Variants in SPINK7 observed in about 807,000 individuals in gnomAD.
SPINK7 encodes serine peptidase inhibitor Kazal type 7, also known as serine protease inhibitor Kazal-type 7.
A neutral mutation model predicts 11.6 loss-of-function variants in SPINK7; 8 were observed. That is an observed-to-expected ratio of 0.69 (90% CI 0.41 to 1.25). SPINK7 has a LOEUF of 1.25. Among genes scored for constraint, SPINK7 ranks in the 50% most tolerant of loss-of-function variants. SPINK7 has a pLI of 0.01. For synonymous variants in SPINK7, 38 were observed against 35.3 expected (o/e 1.08, Z -0.27); for missense variants, 113 against 99.3 (o/e 1.14, Z -0.58).
intron 1 of SPINK7, 24 bp downstream of exon 1, chr5:148,312,568 C>T: frequency 7.1e-7 from 1 of 1,408,060 alleles, no homozygotes. Flanking sequence ...AGACAGTGCC[C>T]TATATAGCCA....
chr5:148,313,784 A>G (rs940645639), intron 2 of SPINK7: 6 of 461,344 alleles, frequency 1.3e-5, no homozygotes, highest in African/African-American at 2.0e-5. Context: ...TCTAAGCTTT[A>G]ATTTTCACAT....
chr5:148,315,853 C>T lies in SPINK7; in HGVS notation c.*169C>T, dbSNP rs1756925643. On this transcript the variant is annotated 3_prime_UTR_variant, in exon 4 of 4. Transcript: ENST00000274565. Reference sequence around the variant, plus strand: ...AAAGTTTCTGTGCTACCCCTACAAACCCATGCCTCACTGACAGACCAGCAT... The same window carrying T: ...AAAGTTTCTGTGCTACCCCTACAAATCCATGCCTCACTGACAGACCAGCAT... The T allele has an allele frequency of 4.5e-6, 2 of 447,882 alleles. No individual in the cohort carries two copies. The highest frequency in any genetic ancestry group is 8.1e-6 in the Non-Finnish European group (2 of 247,338). The allele number at this position is 447,882 out of a possible 1,614,324, so 27.7% of individuals were successfully genotyped here. A position where few individuals can be genotyped will look rare whatever the true frequency, so the allele number is the denominator to read the frequency against.
chr5:148,315,463 T>G (rs1756917476), intron 3 of SPINK7, among the ~76,000 whole-genome samples, 176 bp from the exon 4 acceptor site: 1 of 152,138 alleles, frequency 6.6e-6, no homozygotes, highest in Non-Finnish European at 1.5e-5. Context: ...CTAGGGAAAT[T>G]CTGCTTCTTC....
rs1433550785 is a variant in SPINK7 at position 148,315,722 on chromosome 5, C to T, written c.*38C>T. On this transcript the variant is annotated 3_prime_UTR_variant, in exon 4 of 4. Coordinates refer to ENST00000274565, the MANE Select transcript of SPINK7 (RefSeq NM_032566.3). ...CATAGAGAGAAAGGAATGATATTCT[C>T]ATCATCATCTTCATCATCCCAGGCT... 2 of 1,245,678 alleles carry T rather than the reference C, an allele frequency of 1.6e-6. No homozygotes were observed. Among genetic ancestry groups the T allele is most frequent in the Non-Finnish European group, 2.4e-6 (2 of 847,110 alleles). The allele number at this position is 1,245,678 out of a possible 1,614,324, so 77.2% of individuals were successfully genotyped here.
Position 148,313,530 on chromosome 5 carries a change from C to G in SPINK7, c.87+131C>G, listed in dbSNP as rs2113398454. The G allele has an allele frequency of 7.5e-6, 4 of 533,914 alleles. No homozygotes were observed. The East Asian group carries it at 9.3e-5, about 12-fold the overall frequency. 33.1% of individuals were successfully genotyped at this position (533,914 alleles called of 1,614,324 possible). A position where few individuals can be genotyped will look rare whatever the true frequency, so the allele number is the denominator to read the frequency against. On this transcript the variant is annotated intron_variant, in intron 2 of 3. Transcript: ENST00000274565. ...CACACATGGAGAAATGGTACCTGTT[C>G]TCCAGAAGGCAACTAAACAAATATG...
At chr5:148,313,811 T>C in intron 2 of SPINK7, 1 of 495,136 alleles carries the variant, frequency 2.0e-6, no homozygotes, top group Non-Finnish European at 3.5e-6. Context: ...AGAGAGGTAA[T>C]AGTAGAATTT....
In SPINK7 at chr5:148,314,083, G is replaced by C. The variant is rs768020041; in HGVS notation, c.88-17G>C. ...GGTCTGGGAGAAAAACAGGACATTT[G>C]CTTGTATATGACACAGGTGGACTGC... On this transcript the variant is annotated splice_polypyrimidine_tract_variant and intron_variant, in intron 2 of 3. Transcript: ENST00000274565. The C allele has an allele frequency of 1.2e-6, 2 of 1,613,612 alleles. No individual in the cohort carries two copies. Among genetic ancestry groups the C allele is most frequent in the Non-Finnish European group, 1.7e-6 (2 of 1,179,724 alleles).
At position 148,313,355 on chromosome 5, in the gene SPINK7, A is replaced by G. The variant is rs1276464921; in HGVS notation, c.62-19A>G. ...AGTTTGCTTTACTTTTAACATCTTC[A>G]TCTGTATCTCTTTTTCAGAAGCTGC... On this transcript the variant is annotated intron_variant, in intron 1 of 3. Coordinates refer to ENST00000274565, the MANE Select transcript of SPINK7 (RefSeq NM_032566.3). 6.3e-7 allele frequency: 1 copy of G among 1,594,084 alleles called. No individual in the cohort carries two copies.
chr5:148,312,617 AG>A, intron 1 of SPINK7, 73 bp downstream of exon 1: 3 of 823,770 alleles, frequency 3.6e-6, no homozygotes, highest in Non-Finnish European at 5.9e-6. Context: ...CTGCGATGTG[AG>A]CATCTCAGAA....
In SPINK7 at chr5:148,312,548, A is replaced by C. The variant is rs756354204; in HGVS notation, c.61+4A>C. On this transcript the variant is annotated splice_donor_region_variant and intron_variant, in intron 1 of 3. Transcript: ENST00000274565. Reference sequence around the variant, plus strand: ...GTCTATTTCTGTAGCAGCTCAGGTAAGTTAAGGTCAGACAGTGCCCTATAT... The same window carrying C: ...GTCTATTTCTGTAGCAGCTCAGGTACGTTAAGGTCAGACAGTGCCCTATAT... 1 of 1,585,022 alleles carries C rather than the reference A, an allele frequency of 6.3e-7. No homozygotes were observed. The highest frequency in any genetic ancestry group is 1.1e-5 in the South Asian group (1 of 89,956).
At chr5:148,315,241 GT>G (rs1339688146) in intron 3 of SPINK7, among the ~76,000 whole-genome samples, 2 of 152,264 alleles carry the variant, frequency 1.3e-5, no homozygotes, top group South Asian at 2.1e-4. Flanking sequence ...GAAACTAGCT[GT>G]TTTCAAGGGA....
intron 2 of SPINK7, 110 bp downstream of exon 2, chr5:148,313,509 C>A: frequency 1.5e-6 from 1 of 669,064 alleles, no homozygotes; most frequent in South Asian, 2.7e-5. Flanking sequence ...GGCAAACACA[C>A]ATGGAGAAAT....
In SPINK7 at chr5:148,313,761, A is replaced by G. The variant is rs200765822; in HGVS notation, c.88-339A>G. 6.8e-5 allele frequency: 30 copies of G among 441,094 alleles called. No individual in the cohort carries two copies. In the East Asian group the frequency reaches 7.9e-4, roughly 12 times the overall value. 27.3% of individuals were successfully genotyped at this position (441,094 alleles called of 1,614,324 possible). A position where few individuals can be genotyped will look rare whatever the true frequency, so the allele number is the denominator to read the frequency against. On this transcript the variant is annotated intron_variant, in intron 2 of 3. Coordinates refer to ENST00000274565, the MANE Select transcript of SPINK7 (RefSeq NM_032566.3). The stretch of plus-strand genomic sequence containing the variant: ...TACTTACCAGCATTTATCTTCAACA[A>G]GTTATCTCTATTTCTAAGCTTTAAT...
chr5:148,314,321 G>A, intron 3 of SPINK7, 97 bp downstream of exon 3: 3 of 1,373,408 alleles, frequency 2.2e-6, no homozygotes, highest in Non-Finnish European at 2.0e-6. Context: ...TCTATAAGCT[G>A]TAATTTATAA....
chr5:148,315,653 G>C lies in SPINK7; in HGVS notation c.227G>C (p.Arg76Thr). The change falls in exon 4 of 4, where the codon AGA (arginine) becomes ACA (threonine). Residue 76 changes from arginine (R) to threonine (T), a missense_variant. By Grantham distance (71) the Arg-to-Thr change is moderately conservative (BLOSUM62 -1). Coordinates refer to ENST00000274565, the MANE Select transcript of SPINK7 (RefSeq NM_032566.3). ...LCTESLKSNG[R>T]VQFLHDGSC is the part of the protein sequence containing the mutation. ...TCTTCCCTTAGGAAAAGTAATGGAA[G>C]AGTTCAGTTTCTTCACGATGGAAGT... 3 of 1,602,916 alleles carry C rather than the reference G, an allele frequency of 1.9e-6. No homozygotes were observed. Among genetic ancestry groups the C allele is most frequent in the Non-Finnish European group, 2.6e-6 (3 of 1,170,254 alleles).
chr5:148,314,263 G>A (rs3749690), intron 3 of SPINK7, 39 bp downstream of exon 3: 439,451 of 1,607,676 alleles, frequency 0.27, 63,011 homozygotes, highest in African/African-American at 0.49. Flanking sequence ...TCTGGAGTCA[G>A]TGCTCTCTAC....
chr5:148,312,428 C>A lies in SPINK7; in HGVS notation c.-56C>A. On this transcript the variant is annotated 5_prime_UTR_variant, in exon 1 of 4. Coordinates refer to ENST00000274565, the MANE Select transcript of SPINK7 (RefSeq NM_032566.3). ...CATGACCCCTTACCTGGGATATGGT[C>A]GATGCAGCTGTAGTGACAATCTCAG... The A allele has an allele frequency of 8.7e-7, 1 of 1,154,844 alleles. No homozygotes were observed. Among genetic ancestry groups the A allele is most frequent in the South Asian group, 1.2e-5 (1 of 81,902 alleles). The allele number at this position is 1,154,844 out of a possible 1,614,324, so 71.5% of individuals were successfully genotyped here.
chr5:148,313,876 C>T (rs1007044243), intron 2 of SPINK7: 46 of 549,344 alleles, frequency 8.4e-5, no homozygotes, highest in African/African-American at 3.9e-4. Flanking sequence ...TTAAGTTTAA[C>T]GCCTAGCCCA....
In SPINK7 at chr5:148,314,010, G is replaced by T. The variant is rs185512765; in HGVS notation, c.88-90G>T. 57 of 1,542,104 alleles carry T rather than the reference G, an allele frequency of 3.7e-5. No homozygotes were observed. In the African/African-American group the frequency reaches 7.1e-4, roughly 19 times the overall value. On this transcript the variant is annotated intron_variant, in intron 2 of 3. Transcript: ENST00000274565. ...GGCCAAGCAACATCTGAATATCTGAGCTGGGACTTCCAGCCCTTGTAGTAT... is the reference window on the plus strand; with the variant it reads ...GGCCAAGCAACATCTGAATATCTGATCTGGGACTTCCAGCCCTTGTAGTAT...
Sources: gnomAD v4.1 joint callset for allele counts (sites outside exome capture counted in the v4.1 genomes callset) on GRCh38, gnomAD v4.1.1 for gene constraint, MANE v1.5 for transcripts, NCBI Gene and HGNC (gene_info 2026-07-23, HGNC 2026-07-21) for gene names.